The following UNC45B variants were observed in gnomAD, a reference collection of about 807,000 sequenced individuals.
UNC45B encodes protein unc-45 homolog B.
In UNC45B, 78 loss-of-function variants were observed where a neutral mutation model predicts 98.7. That is an observed-to-expected ratio of 0.79 (90% CI 0.66 to 0.95). The LOEUF is 0.95. UNC45B is among the 40% of genes least tolerant of loss of function. The pLI is 0.00. For synonymous variants in UNC45B, 462 were observed against 480.4 expected (o/e 0.96, Z 0.50); for missense variants, 1,225 against 1,184.9 (o/e 1.03, Z -0.50).
At chr17:35,173,882 G>A (rs1008225510) in intron 13 of UNC45B, among the ~76,000 whole-genome samples, 33 of 148,646 alleles carry the variant, frequency 2.2e-4, no homozygotes, top group African/African-American at 1.7e-4. Flanking sequence ...GTGCGATCTC[G>A]GCTCACTGCA....
At chr17:35,149,309 G>A (rs2091999652) in intron 3 of UNC45B, among the ~76,000 whole-genome samples, 1 of 152,210 alleles carries the variant, frequency 6.6e-6, no homozygotes, top group African/African-American at 2.4e-5. Flanking sequence ...GCTGGGCAAT[G>A]TTACAGGGAA....
At chr17:35,181,651 C>T (rs2092274502) in intron 18 of UNC45B, among the ~76,000 whole-genome samples, 1 of 151,982 alleles carries the variant, frequency 6.6e-6, no homozygotes, top group South Asian at 2.1e-4. Flanking sequence ...ATTAGCCAGG[C>T]ATGGTGGTGG....
rs770985869 is a variant in UNC45B, at chr17:35,168,096, T to G, written c.1187T>G (p.Leu396Trp). 15 of 1,561,454 alleles carry G rather than the reference T, an allele frequency of 9.6e-6. No individual in the cohort carries two copies. In the South Asian group the frequency reaches 1.7e-4, roughly 18 times the overall value. Residue 396 changes from leucine to tryptophan, a missense_variant, in exon 10 of 20, where the codon TTG (leucine) becomes TGG (tryptophan). By Grantham distance (61) the Leu-to-Trp change is moderately conservative. Coordinates refer to ENST00000394570, the MANE Select transcript of UNC45B (RefSeq NM_001267052.2). The part of the protein sequence containing the change: ...KFDPQDMDKN[L>W]NAIQTVSGIL... ...GACCCCCAGGACATGGACAAGAACT[T>G]GAATGCCATCCAGACAGTGTCAGGG...
chr17:35,173,432 TA>T (rs1179040375), intron 13 of UNC45B, among the ~76,000 whole-genome samples: 3 of 152,104 alleles, frequency 2.0e-5, no homozygotes, highest in Non-Finnish European at 4.4e-5. Context: ...GGCCCGGTTT[TA>T]AAAATCTTAT....
In UNC45B at chr17:35,148,439, G is replaced by C; in HGVS notation, c.168+8G>C. On this transcript the variant is annotated splice_region_variant and intron_variant, in intron 2 of 19. Coordinates refer to ENST00000394570, the MANE Select transcript of UNC45B (RefSeq NM_001267052.2). ...GCCTGTGGCCTGAAAACGGTCTGGG[G>C]CAGGGCAGGGCACAGGGTGGGAGTG... The C allele has an allele frequency of 1.2e-6, 2 of 1,612,948 alleles. No homozygotes were observed. Among genetic ancestry groups the C allele is most frequent in the Non-Finnish European group, 1.7e-6 (2 of 1,179,566 alleles).
chr17:35,169,808 A>C (rs2092169574), intron 10 of UNC45B, 29 bp from the exon 11 acceptor site: 2 of 1,602,168 alleles, frequency 1.2e-6, no homozygotes, highest in Non-Finnish European at 1.7e-6. Context: ...CTGATCCTGC[A>C]TGTGTCTGCT....
Position 35,168,135 on chromosome 17 carries a change from C to A in UNC45B, c.1226C>A (p.Pro409His). 6.3e-7 allele frequency: 1 copy of A among 1,598,972 alleles called. No individual in the cohort carries two copies. Among genetic ancestry groups the A allele is most frequent in the Non-Finnish European group, 8.5e-7 (1 of 1,172,162 alleles). The change falls in exon 10 of 20, where the codon CCC becomes CAC. Residue 409 changes from proline to histidine, a missense_variant. Pro to His is a moderately conservative substitution (Grantham distance 77). Coordinates refer to ENST00000394570, the MANE Select transcript of UNC45B (RefSeq NM_001267052.2). ...ACAGTGTCAGGGATCCTGCAGGGCC[C>A]CTTTGACCTGGGCAACCAGCTGCTG... Reference protein sequence around the residue: ...IQTVSGILQGPFDLGNQLLGL... With the variant: ...IQTVSGILQGHFDLGNQLLGL...
chr17:35,150,229 C>T lies in UNC45B; in HGVS notation c.381+6C>T. On this transcript the variant is annotated splice_donor_region_variant and intron_variant, in intron 4 of 19. Coordinates refer to ENST00000394570, the MANE Select transcript of UNC45B (RefSeq NM_001267052.2). ...ACACCAGCATTCAGGAGAAGGTGAG[C>T]TGGGCCTCTTCCCACAACCCTTGGC... The T allele has an allele frequency of 6.2e-7, 1 of 1,604,024 alleles. No homozygotes were observed. The highest frequency in any genetic ancestry group is 8.5e-7 in the Non-Finnish European group (1 of 1,175,044).
chr17:35,187,909 A>C lies in UNC45B; in HGVS notation c.*1350A>C, dbSNP rs1352989072. 1 of 152,204 alleles carries C rather than the reference A, an allele frequency of 6.6e-6. No homozygotes were observed. Among genetic ancestry groups the C allele is most frequent in the Non-Finnish European group, 1.5e-5 (1 of 68,040 alleles). The allele number at this position is 152,204 out of a possible 1,614,324, so 9.4% of individuals were successfully genotyped here. A position where few individuals can be genotyped will look rare whatever the true frequency, so the allele number is the denominator to read the frequency against. On this transcript the variant is annotated 3_prime_UTR_variant, in exon 20 of 20. Transcript: ENST00000394570. ...CAGTTCTGATCTCAGCATTGGGTAA[A>C]GGGTGGGACATTCAGATTTACGGTC... is the stretch of plus-strand genomic sequence containing the variant.
chr17:35,175,931 G>A (rs1441949293), intron 14 of UNC45B, 37 bp from the exon 15 acceptor site: 2 of 1,600,794 alleles, frequency 1.2e-6, no homozygotes, highest in Non-Finnish European at 1.7e-6. Context: ...AGGTGTGCTG[G>A]TGTATTAACT....
intron 7 of UNC45B, 109 bp from the exon 8 acceptor site, chr17:35,159,266 G>T (rs2092084919): frequency 9.7e-7 from 1 of 1,031,968 alleles, no homozygotes; most frequent in African/African-American, 1.6e-5. Flanking sequence ...ACATATTCAG[G>T]AAGTAGTGGA....
intron 9 of UNC45B, among the ~76,000 whole-genome samples, chr17:35,165,110 T>C (rs1406506604): frequency 6.6e-6 from 1 of 152,212 alleles, no homozygotes; most frequent in African/African-American, 2.4e-5. Flanking sequence ...GCAATCTTCC[T>C]GCCTCTGCCT....
intron 19 of UNC45B, among the ~76,000 whole-genome samples, chr17:35,185,415 C>T (rs1395515700): frequency 6.6e-6 from 1 of 152,078 alleles, no homozygotes; most frequent in Admixed American, 6.5e-5. Context: ...TCAAGCGATT[C>T]TCCTGCCTCA....
rs890815903 is a variant in UNC45B, at chr17:35,187,988, A to G, written c.*1429A>G. 1.3e-5 allele frequency: 2 copies of G among 152,252 alleles called. No individual in the cohort carries two copies. Among genetic ancestry groups the G allele is most frequent in the Non-Finnish European group, 2.9e-5 (2 of 68,052 alleles). 9.4% of individuals were successfully genotyped at this position (152,252 alleles called of 1,614,324 possible). On this transcript the variant is annotated 3_prime_UTR_variant, in exon 20 of 20. Coordinates refer to ENST00000394570, the MANE Select transcript of UNC45B (RefSeq NM_001267052.2). The stretch of plus-strand genomic sequence containing the variant: ...TTGTGTAATAAATGTAAGTGTACAT[A>G]TGCCTGGGACATCAGCTGGAAAAGG...
chr17:35,177,531 G>C lies in UNC45B; in HGVS notation c.2176G>C (p.Asp726His). ...GGTGCGGCCCCTTGTAAGACTCTTG[G>C]ACACACAGAGGGATGGGCTTCAGAA... ...EVVRPLVRLLDTQRDGLQNYE... is the reference protein window; with the variant it reads ...EVVRPLVRLLHTQRDGLQNYE... Residue 726 changes from aspartate (D) to histidine (H), a missense_variant, in exon 17 of 20, where the codon GAC becomes CAC. Coordinates refer to ENST00000394570, the MANE Select transcript of UNC45B (RefSeq NM_001267052.2). 1 of 1,567,486 alleles carries C rather than the reference G, an allele frequency of 6.4e-7. No homozygotes were observed. Among genetic ancestry groups the C allele is most frequent in the South Asian group, 1.2e-5 (1 of 85,080 alleles).
chr17:35,159,187 G>T (rs1250634590), intron 7 of UNC45B, among the ~76,000 whole-genome samples, 188 bp from the exon 8 acceptor site: 1 of 152,142 alleles, frequency 6.6e-6, no homozygotes, highest in Non-Finnish European at 1.5e-5. Flanking sequence ...ACCACTTGGG[G>T]GTGTTGTCTA....
intron 1 of UNC45B, 129 bp downstream of exon 1, chr17:35,148,039 A>G (rs2091986237): frequency 3.6e-6 from 2 of 555,386 alleles, no homozygotes; most frequent in African/African-American, 3.8e-5. Flanking sequence ...AGGGACAGAG[A>G]GTGAGGCACA....
At chr17:35,154,518 C>T (rs935025221) in intron 5 of UNC45B, 56 bp from the exon 6 acceptor site, 15 of 1,572,004 alleles carry the variant, frequency 9.5e-6, no homozygotes, top group Non-Finnish European at 1.2e-5. Flanking sequence ...GGCCCATGGT[C>T]CAGGCCTGGG....
rs749143678 is a variant in UNC45B at position 35,152,919 on chromosome 17, G to A, written c.408G>A (p.Ser136=). The A allele has an allele frequency of 2.0e-5, 32 of 1,614,078 alleles. 1 individual carries two copies. In the South Asian group the frequency reaches 2.9e-4, roughly 14 times the overall value. ...TCCGAGTGCAGTTCTCCACAGACTC[G>A]AGGGTACAGAAGATGTTTGAGATCC... ...EKLRVQFSTD[S]RVQKMFEILL... Residue 136 remains serine (S), a synonymous_variant, in exon 5 of 20, where the codon TCG becomes TCA. Transcript: ENST00000394570.
Sources: allele counts gnomAD v4.1 joint callset (sites outside exome capture counted in the v4.1 genomes callset), GRCh38; gene constraint gnomAD v4.1.1; transcripts MANE v1.5; gene names NCBI Gene and HGNC (gene_info 2026-07-23, HGNC 2026-07-21).